EFCAB6: variants seen among roughly 807,000 people sequenced by gnomAD.
EFCAB6 encodes the protein EF-hand calcium binding domain 6, also known as EF-hand calcium-binding domain-containing protein 6.
Under a neutral mutation model 169.8 loss-of-function variants are expected in EFCAB6, and 156 were observed. The observed-to-expected ratio is 0.92, with a 90% CI of 0.81 to 1.05. The LOEUF is 1.05. Ranked by LOEUF, EFCAB6 falls within the 50% of genes least tolerant of loss-of-function variation. The pLI is 0.00. For missense variants in EFCAB6, 1,800 were observed against 1,829.1 expected, an observed-to-expected ratio of 0.98 and a Z score of 0.29; for synonymous variants, 698 against 676.4, an observed-to-expected ratio of 1.03 and a Z score of -0.50.
intron 26 of EFCAB6, among the ~76,000 whole-genome samples, chr22:43,566,643 C>T (rs985427366): frequency 5.3e-5 from 8 of 152,170 alleles, no homozygotes; most frequent in Non-Finnish European, 1.0e-4. Flanking sequence ...CATGCTCCTC[C>T]GATTTCACCC....
At chr22:43,578,706 G>GCAGGCATCATTCCATACACA (rs1181828519) in intron 25 of EFCAB6, among the ~76,000 whole-genome samples, 5 of 151,912 alleles carry the variant, frequency 3.3e-5, no homozygotes, top group African/African-American at 1.2e-4. Flanking sequence ...TTCTGTACAT[G>GCAGGCATCATTCCATACACA]CAGGCATCAT....
intron 6 of EFCAB6, among the ~76,000 whole-genome samples, chr22:43,749,934 T>A (rs2060696198): frequency 6.6e-6 from 1 of 152,162 alleles, no homozygotes; most frequent in Admixed American, 6.5e-5. Context: ...AGTTCACAGA[T>A]GGGGAAAGTC....
intron 2 of EFCAB6, among the ~76,000 whole-genome samples, chr22:43,793,519 G>A (rs2062386531): frequency 6.6e-6 from 1 of 152,198 alleles, no homozygotes; most frequent in South Asian, 2.1e-4. Context: ...TCTAGGAAGA[G>A]AAAGAAATAT....
chr22:43,706,117 T>G (rs2058947896), intron 10 of EFCAB6, among the ~76,000 whole-genome samples: 1 of 152,190 alleles, frequency 6.6e-6, no homozygotes, highest in Non-Finnish European at 1.5e-5. Flanking sequence ...GAATATAATC[T>G]AGACATATAC....
intron 18 of EFCAB6, among the ~76,000 whole-genome samples, chr22:43,634,590 G>A (rs2055237277): frequency 6.6e-6 from 1 of 151,896 alleles, no homozygotes; most frequent in Non-Finnish European, 1.5e-5. Flanking sequence ...AAATGTCTTT[G>A]GTGTGTGAGA....
intron 2 of EFCAB6, among the ~76,000 whole-genome samples, chr22:43,783,288 G>A (rs903102191): frequency 5.3e-5 from 8 of 152,182 alleles, no homozygotes; most frequent in African/African-American, 1.9e-4. Context: ...GGAAAAGCTG[G>A]GGAATGAGAT....
chr22:43,557,989 T>C (rs1410296093), intron 26 of EFCAB6, among the ~76,000 whole-genome samples: 1 of 152,196 alleles, frequency 6.6e-6, no homozygotes, highest in Non-Finnish European at 1.5e-5. Context: ...GAACTATATA[T>C]AAATAAAACA....
At chr22:43,785,727 T>C (rs1324381003) in intron 2 of EFCAB6, among the ~76,000 whole-genome samples, 1 of 152,066 alleles carries the variant, frequency 6.6e-6, no homozygotes, top group Non-Finnish European at 1.5e-5. Flanking sequence ...TTCAAAAGAT[T>C]ATCAAAATTG....
At chr22:43,690,968 T>C in intron 10 of EFCAB6, among the ~76,000 whole-genome samples, 1 of 151,860 alleles carries the variant, frequency 6.6e-6, no homozygotes. Context: ...ATTATTTAAA[T>C]ATTATTATTA....
intron 5 of EFCAB6, among the ~76,000 whole-genome samples, chr22:43,761,901 C>T (rs5764276): frequency 0.81 from 123,000 of 152,094 alleles, 49,890 homozygotes; most frequent in East Asian, 0.97. Flanking sequence ...TTTGGAGACC[C>T]GATTCTATTG....
At chr22:43,810,455 T>C (rs1412331337) in intron 1 of EFCAB6, among the ~76,000 whole-genome samples, 1 of 152,218 alleles carries the variant, frequency 6.6e-6, no homozygotes, top group East Asian at 1.9e-4. Flanking sequence ...ATTCATGTTA[T>C]CTCTATTCAC....
At chr22:43,724,597 T>A (rs2059657070) in intron 8 of EFCAB6, among the ~76,000 whole-genome samples, 1 of 152,160 alleles carries the variant, frequency 6.6e-6, no homozygotes, top group Non-Finnish European at 1.5e-5. Context: ...CTTTAACTCC[T>A]GACCTCAAAT....
intron 17 of EFCAB6, among the ~76,000 whole-genome samples, chr22:43,663,959 A>C (rs759829891): frequency 2.0e-5 from 3 of 152,170 alleles, no homozygotes; most frequent in Non-Finnish European, 1.5e-5. Context: ...GCCCAAACTG[A>C]CTAAGGCAAA....
intron 29 of EFCAB6, 145 bp from the exon 30 acceptor site, chr22:43,535,017 G>A (rs778761974): frequency 2.0e-4 from 159 of 781,436 alleles, no homozygotes; most frequent in Non-Finnish European, 2.8e-4. Context: ...TTGGTGGCTG[G>A]ACATATGTGG....
chr22:43,563,929 A>C (rs2049250868), intron 26 of EFCAB6, among the ~76,000 whole-genome samples: 1 of 152,232 alleles, frequency 6.6e-6, no homozygotes, highest in South Asian at 2.1e-4. Context: ...GGCTGCGGTG[A>C]GCTCTGGGCA....
chr22:43,784,554 TATACAC>T (rs2061960054), intron 2 of EFCAB6, among the ~76,000 whole-genome samples: 1 of 97,142 alleles, frequency 1.0e-5, no homozygotes, highest in Non-Finnish European at 2.0e-5. Flanking sequence ...TATATGTATA[TATACAC>T]ATATATATGT....
Position 43,589,847 on chromosome 22 carries a change from A to C in EFCAB6, c.3032+227T>G, listed in dbSNP as rs538459665. Among the ~76,000 whole-genome samples, 3 of 152,294 alleles carry C rather than the reference A, an allele frequency of 2.0e-5. No homozygotes were observed. The East Asian group carries it at 5.8e-4, about 29-fold the overall frequency. ...CCCACTGATGTTAAGAAATGGTGGC[A>C]CTGCTGCTAAGACACATCAGGAAAA... On this transcript the variant is annotated intron_variant, in intron 24 of 31. Transcript: ENST00000262726.
chr22:43,575,183 GTTGTTGTTGT>G (rs2050160095), intron 26 of EFCAB6, among the ~76,000 whole-genome samples: 1 of 151,736 alleles, frequency 6.6e-6, no homozygotes, highest in Non-Finnish European at 1.5e-5. Flanking sequence ...TTTTGTTGTT[GTTGTTGTTGT>G]TTGTTTGTTT....
rs768955358 is a variant in EFCAB6 at position 43,635,093 on chromosome 22, A to T, written c.2098+9T>A. On this transcript the variant is annotated intron_variant, in intron 18 of 31. Coordinates refer to ENST00000262726, the MANE Select transcript of EFCAB6 (RefSeq NM_022785.4). ...CATCCCACAGGGTGTGGACTTGGCC[A>T]TTAGCTACCTTCAAATCCTGCTGCA... The T allele has an allele frequency of 6.2e-7, 1 of 1,613,020 alleles. No individual in the cohort carries two copies. Among genetic ancestry groups the T allele is most frequent in the Non-Finnish European group, 8.5e-7 (1 of 1,178,982 alleles).
Sources: gnomAD v4.1 joint callset for allele counts (sites outside exome capture counted in the v4.1 genomes callset) on GRCh38, gnomAD v4.1.1 for gene constraint, MANE v1.5 for transcripts, NCBI Gene and HGNC (gene_info 2026-07-23, HGNC 2026-07-21) for gene names.